Variants in PEX14 observed in about 807,000 individuals in gnomAD.
The protein encoded by PEX14 is peroxisomal biogenesis factor 14.
Under a neutral mutation model 49.5 loss-of-function variants are expected in PEX14, and 15 were observed. That is an observed-to-expected ratio of 0.30 (90% CI 0.20 to 0.47). PEX14 has a LOEUF of 0.47. PEX14 is among the 20% of genes least tolerant of loss of function. PEX14 has a pLI of 1.00. For missense variants in PEX14, 398 were observed against 494.8 expected (o/e 0.80, Z 1.86); for synonymous variants, 210 against 212.7 (o/e 0.99, Z 0.11).
At chr1:10,572,089 T>G (rs553629358) in intron 3 of PEX14, among the ~76,000 whole-genome samples, 19 of 152,256 alleles carry the variant, frequency 1.2e-4, no homozygotes, top group South Asian at 8.3e-4. Flanking sequence ...ATTGAGAATT[T>G]CCTGAAATTA....
chr1:10,535,333 G>A (rs1174813077), intron 2 of PEX14, among the ~76,000 whole-genome samples: 2 of 152,164 alleles, frequency 1.3e-5, no homozygotes, highest in East Asian at 3.8e-4. Flanking sequence ...TCCCCTGCCC[G>A]GCTTATGTGG....
At chr1:10,581,160 G>C (rs368216068) in intron 3 of PEX14, among the ~76,000 whole-genome samples, 1 of 152,070 alleles carries the variant, frequency 6.6e-6, no homozygotes, top group African/African-American at 2.4e-5. Context: ...CTGTTGCCAC[G>C]TCTGAGGCTG....
chr1:10,620,487 C>T (rs1169976256), intron 5 of PEX14, among the ~76,000 whole-genome samples: 2 of 151,550 alleles, frequency 1.3e-5, no homozygotes, highest in Non-Finnish European at 2.9e-5. Flanking sequence ...GACCCTGTCT[C>T]AATTTAAAAA....
At position 10,514,099 on chromosome 1, in the gene PEX14, A is replaced by G. The variant is rs1223480701; in HGVS notation, c.84+18778A>G. On this transcript the variant is annotated intron_variant, in intron 2 of 8. Transcript: ENST00000356607. The surrounding 1 kb of genome is among the most constrained non-coding windows in gnomAD (Gnocchi z 4.4). ...TGAGTAGCCAAAAAAGAAAAAAAGA[A>G]GAAAGAAAAGAAGGAAATAGAAAAA... Among the ~76,000 whole-genome samples the G allele has an allele frequency of 6.7e-6, 1 of 148,160 alleles. No homozygotes were observed. The highest frequency in any genetic ancestry group is 2.5e-5 in the African/African-American group (1 of 39,638).
At chr1:10,490,292 C>G (rs556754631) in intron 1 of PEX14, among the ~76,000 whole-genome samples, 16 of 152,290 alleles carry the variant, frequency 1.1e-4, no homozygotes, top group Non-Finnish European at 1.8e-4. Flanking sequence ...GAGTCACAGT[C>G]ACCGGGCAGA....
At chr1:10,595,465 G>C (rs1640810327) in intron 3 of PEX14, among the ~76,000 whole-genome samples, 1 of 152,140 alleles carries the variant, frequency 6.6e-6, no homozygotes, top group Admixed American at 6.5e-5. Flanking sequence ...GTGGCTGGGG[G>C]TTGGGAGCTG....
rs1278023673 is a variant in PEX14, at chr1:10,514,707, T to G, written c.84+19386T>G. Among the ~76,000 whole-genome samples, 2 of 152,202 alleles carry G rather than the reference T, an allele frequency of 1.3e-5. No individual in the cohort carries two copies. Among genetic ancestry groups the G allele is most frequent in the East Asian group, 3.8e-4 (2 of 5,196 alleles). On this transcript the variant is annotated intron_variant, in intron 2 of 8. Transcript: ENST00000356607. This position sits in a 1 kb window ranked among gnomAD's most constrained non-coding sequence, Gnocchi z 4.4. Reference sequence around the variant, plus strand: ...AGTTTTTCTGCTTGAGTTGGAGGTGTTGTCTCTTTGAGATGTTTGTCTCTC... The same window carrying G: ...AGTTTTTCTGCTTGAGTTGGAGGTGGTGTCTCTTTGAGATGTTTGTCTCTC...
intron 1 of PEX14, among the ~76,000 whole-genome samples, chr1:10,486,600 T>G (rs1400199250): frequency 1.3e-5 from 2 of 151,900 alleles, no homozygotes; most frequent in Non-Finnish European, 2.9e-5. Context: ...GAGGATGACT[T>G]GAGCCCTGGA....
At chr1:10,552,510 A>G (rs1206846031) in intron 3 of PEX14, among the ~76,000 whole-genome samples, 1 of 152,238 alleles carries the variant, frequency 6.6e-6, no homozygotes, top group African/African-American at 2.4e-5. Flanking sequence ...ATATATTTAT[A>G]TCTATGTTTG....
intron 2 of PEX14, among the ~76,000 whole-genome samples, chr1:10,515,416 G>C (rs190734668): frequency 2.0e-5 from 3 of 152,240 alleles, no homozygotes; most frequent in Admixed American, 2.0e-4. Flanking sequence ...ATTTGAGGCC[G>C]AGGCTGTTCT....
At position 10,623,909 on chromosome 1, in the gene PEX14, C is replaced by T. The variant is rs558264920; in HGVS notation, c.488-431C>T. Among the ~76,000 whole-genome samples, 3 of 152,256 alleles carry T rather than the reference C, an allele frequency of 2.0e-5. No individual in the cohort carries two copies. The highest frequency in any genetic ancestry group is 4.1e-4 in the South Asian group (2 of 4,824). Reference sequence around the variant, plus strand: ...TGGGAAGGAGCAGTGGGAAACAGGACGTGCGGCTTGAGCCACTCCTGGATG... The same window carrying T: ...TGGGAAGGAGCAGTGGGAAACAGGATGTGCGGCTTGAGCCACTCCTGGATG... On this transcript the variant is annotated intron_variant, in intron 6 of 8. Transcript: ENST00000356607. The surrounding 1 kb of genome is among the most constrained non-coding windows in gnomAD (Gnocchi z 4.4).
chr1:10,625,890 C>G (rs563121395), intron 7 of PEX14, among the ~76,000 whole-genome samples: 1 of 152,304 alleles, frequency 6.6e-6, no homozygotes, highest in African/African-American at 2.4e-5. Context: ...GCTTTGCTGC[C>G]GCTGTCCCTG....
At chr1:10,491,566 T>G (rs565390029) in intron 1 of PEX14, among the ~76,000 whole-genome samples, 1 of 151,442 alleles carries the variant, frequency 6.6e-6, no homozygotes, top group East Asian at 2.0e-4. Context: ...GGGGTCTCGC[T>G]GTGTTGCCCA....
At chr1:10,554,823 T>C (rs935078764) in intron 3 of PEX14, among the ~76,000 whole-genome samples, 1 of 152,128 alleles carries the variant, frequency 6.6e-6, no homozygotes, top group Admixed American at 6.6e-5. Flanking sequence ...CAAGTGATCT[T>C]CCCATCTCAG....
At chr1:10,527,342 C>A in intron 2 of PEX14, among the ~76,000 whole-genome samples, 1 of 150,680 alleles carries the variant, frequency 6.6e-6, no homozygotes, top group East Asian at 2.0e-4. Context: ...CATGGTGAAA[C>A]CCTGTCTCTA....
At chr1:10,574,273 A>T (rs923684366) in intron 3 of PEX14, among the ~76,000 whole-genome samples, 6 of 152,250 alleles carry the variant, frequency 3.9e-5, no homozygotes, top group Non-Finnish European at 1.5e-5. Flanking sequence ...CAAAGAAGCC[A>T]GATATAAAAG....
intron 3 of PEX14, among the ~76,000 whole-genome samples, chr1:10,595,407 G>A (rs1409393989): frequency 6.6e-6 from 1 of 152,158 alleles, no homozygotes; most frequent in Non-Finnish European, 1.5e-5. Flanking sequence ...ATTTCTTAGT[G>A]TTATTCTCTA....
chr1:10,538,164 C>T (rs1638895132), intron 3 of PEX14, among the ~76,000 whole-genome samples: 1 of 152,168 alleles, frequency 6.6e-6, no homozygotes, highest in South Asian at 2.1e-4. Context: ...ATGCCGAGCG[C>T]CATGGATACT....
rs1324614246 is a variant in PEX14 at position 10,629,278 on chromosome 1, C to T, written c.678-253C>T. Among the ~76,000 whole-genome samples, 2 of 152,226 alleles carry T rather than the reference C, an allele frequency of 1.3e-5. No individual in the cohort carries two copies. Among genetic ancestry groups the T allele is most frequent in the East Asian group, 3.9e-4 (2 of 5,186 alleles). On this transcript the variant is annotated intron_variant, in intron 8 of 8. Coordinates refer to ENST00000356607, the MANE Select transcript of PEX14 (RefSeq NM_004565.3). The surrounding 1 kb of genome is among the most constrained non-coding windows in gnomAD (Gnocchi z 8.5). ...CCAGCAGCTGCCCAGGCAGATGGGC[C>T]TTGCCCAGGGTGGGGGCCCGGGGGG...
Sources: allele counts gnomAD v4.1 joint callset (sites outside exome capture counted in the v4.1 genomes callset), GRCh38; gene constraint gnomAD v4.1.1; non-coding constraint Gnocchi (gnomAD v3.1); transcripts MANE v1.5; gene names NCBI Gene and HGNC (gene_info 2026-07-23, HGNC 2026-07-21).